Variants in DNAH6 observed in about 807,000 individuals in gnomAD.
The protein encoded by DNAH6 is dynein axonemal heavy chain 6, also known as axonemal beta dynein heavy chain 6.
Under a neutral mutation model 491.4 loss-of-function variants are expected in DNAH6, and 340 were observed. The ratio of observed to expected loss-of-function variants is 0.69; its 90% CI spans 0.63 to 0.76. The LOEUF is 0.76. Among genes scored for constraint, DNAH6 ranks in the 30% least tolerant of loss-of-function variants. The pLI is 0.00. For missense variants in DNAH6, 4,443 were observed against 4,972.2 expected, an observed-to-expected ratio of 0.89 and a Z score of 3.20; for synonymous variants, 1,603 against 1,686.1, an observed-to-expected ratio of 0.95 and a Z score of 1.21.
At chr2:84,789,202 T>A (rs1454514967) in intron 68 of DNAH6, among the ~76,000 whole-genome samples, 2 of 152,170 alleles carry the variant, frequency 1.3e-5, no homozygotes, top group African/African-American at 4.8e-5. Context: ...TCCACATCAA[T>A]TTGCAAAGAA....
At chr2:84,787,108 A>G (rs1156724320) in intron 67 of DNAH6, 56 bp from the exon 68 acceptor site, 1 of 1,346,154 alleles carries the variant, frequency 7.4e-7, no homozygotes, top group African/African-American at 1.5e-5. Flanking sequence ...CCAGTATTTT[A>G]CACAAAATTA....
intron 21 of DNAH6, 76 bp downstream of exon 21, chr2:84,607,171 T>C (rs1685850712): frequency 1.4e-5 from 19 of 1,361,348 alleles, no homozygotes; most frequent in Non-Finnish European, 1.8e-5. Context: ...ATTTGTTTCA[T>C]TATTTAAATA....
chr2:84,549,778 C>A (rs1265964288), intron 8 of DNAH6, 111 bp from the exon 9 acceptor site: 5 of 742,644 alleles, frequency 6.7e-6, no homozygotes, highest in Non-Finnish European at 8.3e-6. Flanking sequence ...AATGGAAATT[C>A]AAGGAGAAAT....
chr2:84,818,052 A>G (rs1242525834), intron 76 of DNAH6, among the ~76,000 whole-genome samples: 1 of 152,202 alleles, frequency 6.6e-6, no homozygotes, highest in East Asian at 1.9e-4. Context: ...AAGAATTCTT[A>G]CAAATCAGTA....
intron 70 of DNAH6, among the ~76,000 whole-genome samples, chr2:84,804,980 A>T (rs1021263723): frequency 6.9e-6 from 1 of 145,548 alleles, no homozygotes; most frequent in Non-Finnish European, 1.5e-5. Context: ...CACCCAGCTA[A>T]TTTTTTTTTT....
chr2:84,741,132 G>A (rs1201134842), intron 62 of DNAH6, among the ~76,000 whole-genome samples: 1 of 152,110 alleles, frequency 6.6e-6, no homozygotes, highest in Admixed American at 6.5e-5. Flanking sequence ...CTCGTAGCAA[G>A]GCATTGGACA....
chr2:84,491,069 T>A, the DNAH6 span, among the ~76,000 whole-genome samples: 20 of 152,238 alleles, frequency 1.3e-4, no homozygotes, highest in Non-Finnish European at 2.4e-4. Flanking sequence ...AAGGTAGCTA[T>A]AAAACATCTG....
intron 75 of DNAH6, among the ~76,000 whole-genome samples, chr2:84,814,427 A>G (rs1680293742): frequency 6.6e-6 from 1 of 152,204 alleles, no homozygotes; most frequent in South Asian, 2.1e-4. Context: ...GGGTTTAAAA[A>G]CGAGAGAAGC....
intron 61 of DNAH6, among the ~76,000 whole-genome samples, chr2:84,730,106 A>G (rs1032622834): frequency 2.6e-5 from 4 of 152,180 alleles, no homozygotes; most frequent in Admixed American, 1.3e-4. Flanking sequence ...GCCCGATGGA[A>G]TCTGGAGTTG....
chr2:84,589,350 C>T (rs1210175209), intron 16 of DNAH6, among the ~76,000 whole-genome samples: 1 of 152,050 alleles, frequency 6.6e-6, no homozygotes, highest in African/African-American at 2.4e-5. Flanking sequence ...CTGATTTACC[C>T]TGGTTTTATG....
chr2:84,812,282 T>G, intron 72 of DNAH6, 59 bp from the exon 73 acceptor site: 1 of 1,469,436 alleles, frequency 6.8e-7, no homozygotes, highest in Admixed American at 2.1e-5. Flanking sequence ...TTAATGTGTG[T>G]CACTGACACT....
the DNAH6 span, among the ~76,000 whole-genome samples, chr2:84,481,162 A>G: frequency 3.1e-4 from 47 of 152,168 alleles, no homozygotes; most frequent in African/African-American, 1.0e-3. Context: ...TGGGCAGCAG[A>G]CATGCCAGGC....
intron 65 of DNAH6, among the ~76,000 whole-genome samples, chr2:84,782,764 T>G (rs1191454834): frequency 6.6e-6 from 1 of 152,170 alleles, no homozygotes; most frequent in Non-Finnish European, 1.5e-5. Context: ...CAAGGAGGTC[T>G]TCAGTACTGG....
Position 84,639,818 on chromosome 2 carries a change from G to A in DNAH6, c.4822-612G>A, listed in dbSNP as rs550096801. On this transcript the variant is annotated intron_variant, in intron 31 of 76. Coordinates refer to ENST00000389394, the MANE Select transcript of DNAH6 (RefSeq NM_001370.2). ...AAACAGACACCAGTAAGAACTCTGC[G>A]TCATTCTAAATTCTGCATCTGAGGC... 1.2e-4 allele frequency among the ~76,000 whole-genome samples: 18 copies of A among 152,244 alleles called. No homozygotes were observed. The South Asian group carries it at 1.9e-3, about 16-fold the overall frequency.
Position 84,787,157 on chromosome 2 carries a change from A to T in DNAH6, c.11101-7A>T. The stretch of plus-strand genomic sequence containing the variant: ...TTATTTCAGATCATTTTCATTTTTC[A>T]TTTTAGGAGAGAAAGAAGTTTGGCC... On this transcript the variant is annotated splice_polypyrimidine_tract_variant and splice_region_variant and intron_variant, in intron 67 of 76. Coordinates refer to ENST00000389394, the MANE Select transcript of DNAH6 (RefSeq NM_001370.2). 6.8e-7 allele frequency: 1 copy of T among 1,478,928 alleles called. No individual in the cohort carries two copies. The highest frequency in any genetic ancestry group is 9.0e-7 in the Non-Finnish European group (1 of 1,111,918). The allele number at this position is 1,478,928 out of a possible 1,614,324, so 91.6% of individuals were successfully genotyped here. A position where few individuals can be genotyped will look rare whatever the true frequency, so the allele number is the denominator to read the frequency against.
chr2:84,686,688 T>C, intron 44 of DNAH6, 131 bp downstream of exon 44: 1 of 580,210 alleles, frequency 1.7e-6, no homozygotes, highest in East Asian at 3.2e-5. Context: ...GTCAGCAAAC[T>C]ATGGCCCATG....
intron 29 of DNAH6, among the ~76,000 whole-genome samples, chr2:84,633,166 A>G (rs1688564632): frequency 6.6e-6 from 1 of 152,160 alleles, no homozygotes; most frequent in Admixed American, 6.5e-5. Context: ...CTTCTAAAGT[A>G]GTACATTTCA....
At chr2:84,561,793 G>T (rs1363241556) in intron 11 of DNAH6, among the ~76,000 whole-genome samples, 1 of 152,174 alleles carries the variant, frequency 6.6e-6, no homozygotes, top group Non-Finnish European at 1.5e-5. Context: ...ATGAAAAAAT[G>T]CTGATCATCA....
chr2:84,546,045 T>C (rs903959056), intron 5 of DNAH6, among the ~76,000 whole-genome samples: 1 of 152,162 alleles, frequency 6.6e-6, no homozygotes, highest in African/African-American at 2.4e-5. Flanking sequence ...AAAACCTCAT[T>C]ACCCATTAGT....
Sources: allele counts gnomAD v4.1 joint callset (sites outside exome capture counted in the v4.1 genomes callset), GRCh38; gene constraint gnomAD v4.1.1; transcripts MANE v1.5; gene names NCBI Gene and HGNC (gene_info 2026-07-23, HGNC 2026-07-21).